Variants in LRRC37A2 observed in about 807,000 individuals in gnomAD.
LRRC37A2 encodes leucine-rich repeat-containing protein 37A2.
In LRRC37A2, 9 loss-of-function variants were observed where a neutral mutation model predicts 68.8. The observed-to-expected ratio is 0.13, with a 90% CI of 0.08 to 0.23. LRRC37A2 has a LOEUF of 0.23. LRRC37A2 is among the 10% of genes least tolerant of loss of function. The pLI, the probability that LRRC37A2 is intolerant of heterozygous loss-of-function variation, is 1.00. For synonymous variants in LRRC37A2, 63 were observed against 367.6 expected (o/e 0.17, Z 9.48); for missense variants, 168 against 950.4 (o/e 0.18, Z 10.82).
chr17:46,851,737 C>A, the LRRC37A2 span: 1 of 1,242,596 alleles, frequency 8.0e-7, no homozygotes, highest in Non-Finnish European at 1.0e-6. This position sits in a 1 kb window ranked among gnomAD's most constrained non-coding sequence, Gnocchi z 4.3. Context: ...CCGCGCCCCC[C>A]GCCCGCTCCC....
At chr17:46,908,359 C>T in the LRRC37A2 span, among the ~76,000 whole-genome samples, 4 of 152,146 alleles carry the variant, frequency 2.6e-5, no homozygotes, top group East Asian at 5.8e-4. Context: ...CTGGGCGCTT[C>T]CCTTTCAAAG....
chr17:46,521,367 C>T lies in LRRC37A2; in HGVS notation c.2753+1084C>T, dbSNP rs549254010. The stretch of plus-strand genomic sequence containing the variant: ...GGTGGATGCCAAAGTGCTACAGAGA[C>T]CATGAAATAATAAAACTACGTTTCC... On this transcript the variant is annotated intron_variant, in intron 4 of 14. Coordinates refer to ENST00000576629, the Ensembl canonical transcript of LRRC37A2. Among the ~76,000 whole-genome samples, 6 of 50,218 alleles carry T rather than the reference C, an allele frequency of 1.2e-4. No homozygotes were observed. The East Asian group carries it at 1.4e-3, about 12-fold the overall frequency. 32.9% of individuals were successfully genotyped at this position (50,218 alleles called of 152,430 possible).
chr17:46,950,317 C>A, the LRRC37A2 span, among the ~76,000 whole-genome samples: 7 of 152,084 alleles, frequency 4.6e-5, no homozygotes, highest in African/African-American at 1.2e-4. Context: ...GAGGAGGAGG[C>A]GGCTGGCTGA....
At chr17:47,028,431 G>A in the LRRC37A2 span, 1 of 977,648 alleles carries the variant, frequency 1.0e-6, no homozygotes, top group African/African-American at 1.6e-5. Flanking sequence ...TTATTGGGTA[G>A]CTGGGTATAA....
At chr17:46,767,120 C>T in the LRRC37A2 span, among the ~76,000 whole-genome samples, 1 of 152,146 alleles carries the variant, frequency 6.6e-6, no homozygotes, top group South Asian at 2.1e-4. Context: ...AAACCTTCCA[C>T]CCCGGGGGTC....
At chr17:46,925,695 C>T in the LRRC37A2 span, among the ~76,000 whole-genome samples, 3 of 152,184 alleles carry the variant, frequency 2.0e-5, no homozygotes, top group Non-Finnish European at 4.4e-5. Context: ...GCTGAGTTGA[C>T]ACAACAGTAG....
the LRRC37A2 span, among the ~76,000 whole-genome samples, chr17:46,866,980 C>G: frequency 6.6e-6 from 1 of 152,204 alleles, no homozygotes; most frequent in Non-Finnish European, 1.5e-5. Context: ...TCCTCCTCAC[C>G]CCCAGGCCTC....
At chr17:46,823,108 CATATATTATATATT>C in the LRRC37A2 span, among the ~76,000 whole-genome samples, 17 of 105,922 alleles carry the variant, frequency 1.6e-4, no homozygotes, top group East Asian at 1.4e-3. Context: ...ATAATAAACA[CATATATTATATATT>C]ATATATTATA....
the LRRC37A2 span, among the ~76,000 whole-genome samples, chr17:47,044,157 T>C: frequency 1.4e-3 from 191 of 138,320 alleles, 1 homozygote; most frequent in African/African-American, 4.9e-3. Context: ...ACCAACATAG[T>C]CACTTTTAGG....
At chr17:46,843,165 G>A in the LRRC37A2 span, among the ~76,000 whole-genome samples, 3 of 152,192 alleles carry the variant, frequency 2.0e-5, no homozygotes, top group African/African-American at 7.2e-5. Flanking sequence ...TATTAATATC[G>A]GAGCTGGGGG....
chr17:46,731,184 C>T, the LRRC37A2 span, among the ~76,000 whole-genome samples: 1 of 152,164 alleles, frequency 6.6e-6, no homozygotes, highest in East Asian at 1.9e-4. Context: ...CCATTACATA[C>T]TACAACATGA....
chr17:46,844,305 C>T, the LRRC37A2 span, among the ~76,000 whole-genome samples: 4 of 127,452 alleles, frequency 3.1e-5, no homozygotes, highest in Admixed American at 8.0e-5. Context: ...AGTTAGCCAC[C>T]TTTTTTTTTT....
At chr17:46,939,792 C>A in the LRRC37A2 span, 1 of 987,116 alleles carries the variant, frequency 1.0e-6, no homozygotes, top group Non-Finnish European at 1.2e-6. Flanking sequence ...CTGTGACCAG[C>A]CCCGGATTCA....
the LRRC37A2 span, among the ~76,000 whole-genome samples, chr17:46,610,017 C>CTT: frequency 6.3e-4 from 52 of 81,920 alleles, no homozygotes; most frequent in South Asian, 3.4e-3. Context: ...CTCTTTCTTT[C>CTT]TTTCTTTCTT....
At chr17:46,794,952 T>C in the LRRC37A2 span, among the ~76,000 whole-genome samples, 2 of 152,052 alleles carry the variant, frequency 1.3e-5, no homozygotes, top group Non-Finnish European at 2.9e-5. Flanking sequence ...GGTTTCACCA[T>C]GTTGGCCAGG....
At chr17:46,726,563 G>T in the LRRC37A2 span, 2 of 1,613,848 alleles carry the variant, frequency 1.2e-6, no homozygotes, top group Non-Finnish European at 1.7e-6. Flanking sequence ...TTGATGATGC[G>T]TACAAATCCC....
the LRRC37A2 span, among the ~76,000 whole-genome samples, chr17:46,957,094 A>G: frequency 6.6e-6 from 1 of 152,172 alleles, no homozygotes; most frequent in Non-Finnish European, 1.5e-5. Context: ...GGATCGTGTG[A>G]ACCCAGGAGT....
At chr17:46,526,587 C>T (rs2052796348) in intron 6 of LRRC37A2, among the ~76,000 whole-genome samples, 1 of 104,184 alleles carries the variant, frequency 9.6e-6, no homozygotes, top group Admixed American at 8.9e-5. Context: ...CCAATAGTTA[C>T]AACCCAGTAA....
the LRRC37A2 span, among the ~76,000 whole-genome samples, chr17:46,808,035 G>A: frequency 6.6e-5 from 10 of 152,346 alleles, no homozygotes; most frequent in East Asian, 1.7e-3. Context: ...TTTCTAGCAC[G>A]TATATGATGG....
Sources: gnomAD v4.1 joint callset for allele counts (sites outside exome capture counted in the v4.1 genomes callset) on GRCh38, gnomAD v4.1.1 for gene constraint, Gnocchi (gnomAD v3.1) non-coding constraint, MANE v1.5 for transcripts, NCBI Gene and HGNC (gene_info 2026-07-23, HGNC 2026-07-21) for gene names.